Variants in CLVS1 observed in about 807,000 individuals in gnomAD.
The protein encoded by CLVS1 is clavesin-1.
In CLVS1, 10 loss-of-function variants were observed where a neutral mutation model predicts 33.1. That is an observed-to-expected ratio of 0.30 (90% CI 0.19 to 0.51). The LOEUF (loss-of-function observed/expected upper bound fraction) is 0.51. Among genes scored for constraint, CLVS1 ranks in the 20% least tolerant of loss-of-function variants. CLVS1 has a pLI of 0.97. For missense variants in CLVS1, 343 were observed against 433.4 expected, an observed-to-expected ratio of 0.79 and a Z score of 1.85; for synonymous variants, 163 against 166.1, an observed-to-expected ratio of 0.98 and a Z score of 0.14.
At chr8:61,357,814 C>CAT (rs1812802805) in intron 2 of CLVS1, among the ~76,000 whole-genome samples, 1 of 152,060 alleles carries the variant, frequency 6.6e-6, no homozygotes, top group Non-Finnish European at 1.5e-5. Flanking sequence ...TCCCTGGCTT[C>CAT]CCAAAGTGCT....
intron 3 of CLVS1, among the ~76,000 whole-genome samples, chr8:61,441,487 G>A (rs1816542939): frequency 6.6e-6 from 1 of 152,266 alleles, no homozygotes; most frequent in South Asian, 2.1e-4. Flanking sequence ...GAAGAGATAA[G>A]GAGAGATGAG....
chr8:61,260,109 C>T (rs1866694), intron 2 of CLVS1, among the ~76,000 whole-genome samples: 6 of 151,970 alleles, frequency 3.9e-5, no homozygotes, highest in African/African-American at 4.8e-5. Flanking sequence ...CGTCATGTAA[C>T]GTAGGATGGC....
At chr8:61,184,068 C>T (rs900805490) in intron 2 of CLVS1, among the ~76,000 whole-genome samples, 2 of 152,142 alleles carry the variant, frequency 1.3e-5, no homozygotes, top group Non-Finnish European at 2.9e-5. Flanking sequence ...ACTGACAACC[C>T]CCTGCTGACC....
At position 61,501,212 on chromosome 8, in the gene CLVS1, G is replaced by T. The variant is rs918003686; in HGVS notation, c.*1670G>T. The stretch of plus-strand genomic sequence containing the variant: ...TGTACCAAGACATAGATAGGTAAGA[G>T]AAATAAAGAATTGAAGTGAATTAGA... On this transcript the variant is annotated 3_prime_UTR_variant, in exon 6 of 6. Transcript: ENST00000325897. 11 of 147,086 alleles carry T rather than the reference G, an allele frequency of 7.5e-5. No homozygotes were observed. The highest frequency in any genetic ancestry group is 1.1e-4 in the Non-Finnish European group (7 of 64,784). The allele number at this position is 147,086 out of a possible 1,614,324, so 9.1% of individuals were successfully genotyped here.
Position 61,466,323 on chromosome 8 carries a change from C to T in CLVS1, c.977+7781C>T, listed in dbSNP as rs573096579. 2.6e-5 allele frequency among the ~76,000 whole-genome samples: 4 copies of T among 152,264 alleles called. No homozygotes were observed. In the East Asian group the frequency reaches 7.7e-4, roughly 29 times the overall value. ...ATGGCCACAAGAACCAGGTTCTCTC[C>T]ACTGTGTCCAGCACAACTGGAGACT... is the stretch of plus-strand genomic sequence containing the variant. On this transcript the variant is annotated intron_variant, in intron 5 of 5. Coordinates refer to ENST00000325897, the MANE Select transcript of CLVS1 (RefSeq NM_173519.3).
intron 2 of CLVS1, among the ~76,000 whole-genome samples, chr8:61,343,221 T>C (rs771821867): frequency 1.8e-4 from 27 of 152,154 alleles, no homozygotes; most frequent in Non-Finnish European, 3.8e-4. Flanking sequence ...CTGGTTATCT[T>C]TGGATTTATA....
chr8:61,424,685 A>C (rs10102451), intron 3 of CLVS1, among the ~76,000 whole-genome samples: 1 of 152,092 alleles, frequency 6.6e-6, no homozygotes. Context: ...CAGTTACTCT[A>C]TCTTTTTGTC....
At chr8:61,450,743 C>T (rs1422108832) in intron 3 of CLVS1, among the ~76,000 whole-genome samples, 1 of 152,112 alleles carries the variant, frequency 6.6e-6, no homozygotes. Flanking sequence ...ATAGTTATTA[C>T]ATTCAATTAA....
At chr8:61,240,838 C>T (rs570059564) in intron 2 of CLVS1, among the ~76,000 whole-genome samples, 6 of 150,780 alleles carry the variant, frequency 4.0e-5, no homozygotes, top group Non-Finnish European at 8.8e-5. Context: ...TTTGCCTTTG[C>T]CTTGATCTCA....
chr8:61,168,262 A>G (rs932458653), intron 2 of CLVS1, among the ~76,000 whole-genome samples: 5 of 152,224 alleles, frequency 3.3e-5, no homozygotes, highest in Non-Finnish European at 7.3e-5. Context: ...TATATGTTTT[A>G]CAGCCATAAT....
the CLVS1 span, among the ~76,000 whole-genome samples, chr8:60,991,516 A>G: frequency 1.3e-5 from 2 of 152,182 alleles, no homozygotes; most frequent in South Asian, 2.1e-4. Flanking sequence ...TCCAGATCCT[A>G]TTACCCTTGG....
At chr8:60,983,531 T>C in the CLVS1 span, among the ~76,000 whole-genome samples, 2 of 152,198 alleles carry the variant, frequency 1.3e-5, no homozygotes, top group African/African-American at 4.8e-5. Context: ...TCATCTGTCC[T>C]AGACACTAAC....
intron 2 of CLVS1, among the ~76,000 whole-genome samples, chr8:61,365,644 G>A (rs1813172528): frequency 6.6e-6 from 1 of 152,230 alleles, no homozygotes; most frequent in Admixed American, 6.5e-5. Context: ...CTCTGAGTAG[G>A]CTGATATGAT....
intron 5 of CLVS1, among the ~76,000 whole-genome samples, chr8:61,459,082 G>A (rs6996147): frequency 1.3e-5 from 2 of 151,940 alleles, no homozygotes; most frequent in Admixed American, 6.5e-5. Context: ...ACCAGCAACC[G>A]AGGCTTGGGA....
chr8:61,164,053 T>C (rs1200828499), intron 2 of CLVS1, among the ~76,000 whole-genome samples: 5 of 152,188 alleles, frequency 3.3e-5, no homozygotes, highest in African/African-American at 1.2e-4. Flanking sequence ...TCATTGTCCC[T>C]CCCCCTGTGC....
Position 61,202,365 on chromosome 8 carries a change from G to C in CLVS1, c.-152+70505G>C. On this transcript the variant is annotated intron_variant, in intron 2 of 2. Transcript: ENST00000522621. The stretch of plus-strand genomic sequence containing the variant: ...GCTGCCTCCCGATGGAAGATCTGAT[G>C]GACGTGGACATGAGCTCCCTGAGGC... 4.0e-6 allele frequency: 3 copies of C among 746,062 alleles called. No homozygotes were observed. The South Asian group carries it at 4.3e-5, about 11-fold the overall frequency. The allele number at this position is 746,062 out of a possible 1,614,324, so 46.2% of individuals were successfully genotyped here. A position where few individuals can be genotyped will look rare whatever the true frequency, so the allele number is the denominator to read the frequency against.
chr8:61,130,252 T>C (rs898547591), intron 1 of CLVS1, among the ~76,000 whole-genome samples: 1 of 148,726 alleles, frequency 6.7e-6, no homozygotes, highest in Non-Finnish European at 1.5e-5. Flanking sequence ...AATAAATAAA[T>C]AAATAAATAA....
rs138706069 is a variant in CLVS1, at chr8:61,439,531, T to C, written c.631-14610T>C. On this transcript the variant is annotated intron_variant, in intron 3 of 5. Transcript: ENST00000325897. ...GGTTTACCTCCTCACTCATCTCACC[T>C]GGGCAGCAACAGGATTGCCAAAACA... 6.9e-4 allele frequency among the ~76,000 whole-genome samples: 105 copies of C among 152,296 alleles called. 1 individual carries two copies. Among genetic ancestry groups the C allele is most frequent in the African/African-American group, 2.5e-3 (105 of 41,558 alleles).
intron 2 of CLVS1, among the ~76,000 whole-genome samples, chr8:61,262,709 A>C (rs917616554): frequency 6.6e-6 from 1 of 152,142 alleles, no homozygotes; most frequent in African/African-American, 2.4e-5. Flanking sequence ...TTCCCTTGAC[A>C]CATCACTTCT....
Sources: gnomAD v4.1 joint callset for allele counts (sites outside exome capture counted in the v4.1 genomes callset) on GRCh38, gnomAD v4.1.1 for gene constraint, MANE v1.5 for transcripts, NCBI Gene and HGNC (gene_info 2026-07-23, HGNC 2026-07-21) for gene names.